SNX29: variants seen among roughly 807,000 people sequenced by gnomAD.
The protein encoded by SNX29 is sorting nexin-29.
In SNX29, 78 loss-of-function variants were observed where a neutral mutation model predicts 102.1. The observed-to-expected ratio is 0.76, with a 90% CI of 0.64 to 0.92. SNX29 has a LOEUF of 0.92. Among genes scored for constraint, SNX29 ranks in the 40% least tolerant of loss-of-function variants. The pLI, the probability that SNX29 is intolerant of heterozygous loss-of-function variation, is 0.00. For missense variants in SNX29, 1,280 were observed against 1,061.7 expected (o/e 1.21, Z -2.86); for synonymous variants, 580 against 414.5 (o/e 1.40, Z -4.85).
chr16:12,101,177 T>A (rs1219786407), intron 11 of SNX29, among the ~76,000 whole-genome samples: 1 of 152,134 alleles, frequency 6.6e-6, no homozygotes, highest in Non-Finnish European at 1.5e-5. Flanking sequence ...AGGTTGTGCG[T>A]GCGCATCCTG....
At chr16:12,016,463 T>G (rs1649515698) in intron 3 of SNX29, among the ~76,000 whole-genome samples, 2 of 152,224 alleles carry the variant, frequency 1.3e-5, no homozygotes, top group South Asian at 4.1e-4. Flanking sequence ...CACAAGAGTG[T>G]CATTGCTAGG....
Position 12,034,791 on chromosome 16 carries a change from A to T in SNX29, c.247+7347A>T, listed in dbSNP as rs369040022. On this transcript the variant is annotated intron_variant, in intron 4 of 20. Transcript: ENST00000566228. The stretch of plus-strand genomic sequence containing the variant: ...TTTGGGAGGCCGAGGTGGGTGGATC[A>T]CTTGAGGTCTGGAGTTCGAGACCAG... Among the ~76,000 whole-genome samples the T allele has an allele frequency of 2.9e-4, 44 of 152,292 alleles. No homozygotes were observed. The East Asian group carries it at 3.1e-3, about 11-fold the overall frequency.
At chr16:12,025,031 A>G (rs1030367786) in intron 3 of SNX29, among the ~76,000 whole-genome samples, 14 of 151,942 alleles carry the variant, frequency 9.2e-5, no homozygotes, top group South Asian at 4.1e-4. Flanking sequence ...GCTGGGTGCA[A>G]TGGTTCATTC....
chr16:12,036,428 G>T (rs1467231268), intron 4 of SNX29, among the ~76,000 whole-genome samples: 1 of 149,574 alleles, frequency 6.7e-6, no homozygotes, highest in African/African-American at 2.5e-5. Flanking sequence ...TCCGCCTCCC[G>T]GATTCACGCC....
At chr16:12,423,824 A>T (rs1254950016) in intron 18 of SNX29, among the ~76,000 whole-genome samples, 1 of 152,206 alleles carries the variant, frequency 6.6e-6, no homozygotes, top group East Asian at 1.9e-4. Flanking sequence ...CACCAGCCTC[A>T]GCTTCCCAAA....
At chr16:12,334,901 C>CTTTTTTTTTT (rs36176543) in intron 15 of SNX29, among the ~76,000 whole-genome samples, 3,362 of 93,232 alleles carry the variant, frequency 0.036, 210 homozygotes, top group African/African-American at 0.12. Flanking sequence ...GCCCCAGAGC[C>CTTTTTTTTTT]TTTTTTTTTT....
intron 14 of SNX29, among the ~76,000 whole-genome samples, chr16:12,272,914 C>T (rs187276380): frequency 5.0e-4 from 76 of 152,326 alleles, no homozygotes; most frequent in Admixed American, 2.1e-3. Flanking sequence ...GACTGCTCCA[C>T]CTCCAGAAAA....
chr16:12,107,992 C>T (rs963804546), intron 11 of SNX29, among the ~76,000 whole-genome samples: 21 of 151,564 alleles, frequency 1.4e-4, no homozygotes, highest in African/African-American at 3.6e-4. Context: ...AATGAGACTT[C>T]GAAATTTATT....
intron 16 of SNX29, chr16:12,374,244 A>C (rs1306258270): frequency 6.6e-6 from 1 of 152,068 alleles, no homozygotes; most frequent in Non-Finnish European, 1.5e-5. Context: ...TCAGGGATGC[A>C]GAGAGCAGGC....
intron 13 of SNX29, among the ~76,000 whole-genome samples, chr16:12,174,583 A>AG (rs2076219227): frequency 6.6e-6 from 1 of 152,212 alleles, no homozygotes; most frequent in Non-Finnish European, 1.5e-5. Flanking sequence ...CTGGAAGAGG[A>AG]ATTAACAATG....
At chr16:12,566,407 G>A (rs958753136) in intron 20 of SNX29, among the ~76,000 whole-genome samples, 5 of 109,178 alleles carry the variant, frequency 4.6e-5, no homozygotes, top group Non-Finnish European at 7.5e-5. Flanking sequence ...CACTCTCAGA[G>A]CCTGTTACCT....
chr16:12,532,980 T>G (rs552672995), intron 20 of SNX29, among the ~76,000 whole-genome samples: 1 of 152,354 alleles, frequency 6.6e-6, no homozygotes, highest in South Asian at 2.1e-4. Context: ...GCAGCACGGC[T>G]GTGGTGGCAT....
intron 9 of SNX29, 83 bp from the exon 10 acceptor site, chr16:12,068,974 C>T: frequency 7.6e-7 from 1 of 1,308,862 alleles, no homozygotes; most frequent in Admixed American, 1.9e-5. Context: ...GCAGATGAGC[C>T]AATGTCTGCA....
At chr16:12,265,269 G>T (rs747409951) in intron 14 of SNX29, among the ~76,000 whole-genome samples, 19 of 152,224 alleles carry the variant, frequency 1.2e-4, no homozygotes, top group Admixed American at 2.6e-4. Flanking sequence ...TTTTCACTTG[G>T]GGGGGAGAAA....
In SNX29 at chr16:12,409,859, A is replaced by G. The variant is rs138261456; in HGVS notation, c.2037+6330A>G. On this transcript the variant is annotated intron_variant, in intron 18 of 20. Coordinates refer to ENST00000566228, the MANE Select transcript of SNX29 (RefSeq NM_032167.5). ...ATTTGGAATCAGTCTTCCATGTGGG[A>G]TAAATTTCAGCCTTTGCGTCTAGCG... Among the ~76,000 whole-genome samples, 146 of 152,298 alleles carry G rather than the reference A, an allele frequency of 9.6e-4. 2 individuals carry two copies. In the East Asian group the frequency reaches 0.021, roughly 22 times the overall value.
At chr16:12,540,224 C>T (rs975953687) in intron 20 of SNX29, among the ~76,000 whole-genome samples, 3 of 152,232 alleles carry the variant, frequency 2.0e-5, no homozygotes, top group Admixed American at 2.0e-4. Flanking sequence ...TAACCTACTT[C>T]CTGTGGCTGA....
intron 16 of SNX29, among the ~76,000 whole-genome samples, chr16:12,395,863 C>T (rs893022069): frequency 2.6e-5 from 4 of 152,222 alleles, no homozygotes; most frequent in African/African-American, 9.6e-5. Flanking sequence ...TGGCTCCAGT[C>T]TTGAAAGACA....
At chr16:12,270,241 A>G (rs956545816) in intron 14 of SNX29, among the ~76,000 whole-genome samples, 7 of 152,172 alleles carry the variant, frequency 4.6e-5, no homozygotes, top group African/African-American at 1.2e-4. Flanking sequence ...ATCAGTTGCA[A>G]ATGTTTGTAT....
chr16:12,538,955 G>C (rs997156859), intron 20 of SNX29, among the ~76,000 whole-genome samples: 7 of 152,188 alleles, frequency 4.6e-5, no homozygotes, highest in Non-Finnish European at 8.8e-5. Flanking sequence ...GCTGTGAAAT[G>C]CTAAGGCAAG....
Sources: gnomAD v4.1 joint callset for allele counts (sites outside exome capture counted in the v4.1 genomes callset) on GRCh38, gnomAD v4.1.1 for gene constraint, MANE v1.5 for transcripts, NCBI Gene and HGNC (gene_info 2026-07-23, HGNC 2026-07-21) for gene names.